The following HAX1 variants were observed in gnomAD, a reference collection of about 807,000 sequenced individuals.
HAX1 encodes HCLS1 associated protein X-1.
Under a neutral mutation model 31.1 loss-of-function variants are expected in HAX1, and 27 were observed. The ratio of observed to expected loss-of-function variants is 0.87; its 90% CI spans 0.64 to 1.20. HAX1 has a LOEUF of 1.20. Among genes scored for constraint, HAX1 ranks in the 50% most tolerant of loss-of-function variants. HAX1 has a pLI of 0.00. For synonymous variants in HAX1, 114 were observed against 124.1 expected (o/e 0.92, Z 0.54); for missense variants, 357 against 361.6 (o/e 0.99, Z 0.10).
At position 154,272,970 on chromosome 1, in the gene HAX1, C is replaced by T. The variant is rs762953956; in HGVS notation, c.53+194C>T. ...TAAGAGGAGAAACAGCAAACTAAGC[C>T]TTTCTCCAACCTGGGGTGATGCAAC... On this transcript the variant is annotated intron_variant, in intron 1 of 6. Coordinates refer to ENST00000328703, the MANE Select transcript of HAX1 (RefSeq NM_006118.4). The T allele has an allele frequency of 2.1e-4, 138 of 646,382 alleles. 1 individual carries two copies. Among genetic ancestry groups the T allele is most frequent in the African/African-American group, 3.6e-5 (2 of 55,190 alleles). 40.0% of individuals were successfully genotyped at this position (646,382 alleles called of 1,614,324 possible). A position where few individuals can be genotyped will look rare whatever the true frequency, so the allele number is the denominator to read the frequency against.
chr1:154,275,346 A>G (rs1239691367), intron 5 of HAX1, 47 bp from the exon 6 acceptor site: 2 of 1,587,460 alleles, frequency 1.3e-6, no homozygotes, highest in Non-Finnish European at 1.7e-6. Context: ...ACTGCTGAGC[A>G]TAACCTTTAG....
rs765941497 is a variant in HAX1 at position 154,273,439 on chromosome 1, A to G, written c.157A>G (p.Ser53Gly). The G allele has an allele frequency of 8.1e-6, 13 of 1,614,068 alleles. No homozygotes were observed. In the East Asian group the frequency reaches 2.9e-4, roughly 36 times the overall value. ...GGGCCGTGGGAACCCAAGGTTCCAT[A>G]GTCCTCAGCACCCCCCTGAGGAATT... ...SWGRGNPRFH[S>G]PQHPPEEFGF... The change falls in exon 2 of 7, where the codon AGT becomes GGT. Residue 53 changes from serine to glycine, a missense_variant. Physicochemically the swap from Ser to Gly is moderately conservative, Grantham distance 56. Transcript: ENST00000328703.
Position 154,272,652 on chromosome 1 carries a change from G to T in HAX1, c.-72G>T. ...CTGACGCCTCGCTCAATTTCTCACA[G>T]GGCTGCGCAGGTTTCCCCCGTCTGC... On this transcript the variant is annotated 5_prime_UTR_variant, in exon 1 of 7. It adds an upstream start codon to the 5' untranslated region. Transcript: ENST00000328703. 3 of 1,484,150 alleles carry T rather than the reference G, an allele frequency of 2.0e-6. No homozygotes were observed. Among genetic ancestry groups the T allele is most frequent in the East Asian group, 2.3e-5 (1 of 44,184 alleles). 91.9% of individuals were successfully genotyped at this position (1,484,150 alleles called of 1,614,324 possible). A position where few individuals can be genotyped will look rare whatever the true frequency, so the allele number is the denominator to read the frequency against.
In HAX1 at chr1:154,273,589, C is replaced by T. The variant is rs1684869321; in HGVS notation, c.307C>T (p.His103Tyr). Residue 103 changes from histidine to tyrosine, a missense_variant, in exon 2 of 7, where the codon CAT (histidine) becomes TAT (tyrosine). Physicochemically the swap from His to Tyr is moderately conservative, Grantham distance 83. Coordinates refer to ENST00000328703, the MANE Select transcript of HAX1 (RefSeq NM_006118.4). ...TATGGGGGCCTGGACCTTGCCTTCC[C>T]ATCCTCCTGGTGTGTGGCTTTCCCT... ...SDMGAWTLPSHPPELPGPESE... is the reference protein window; with the variant it reads ...SDMGAWTLPSYPPELPGPESE... 3 of 1,614,032 alleles carry T rather than the reference C, an allele frequency of 1.9e-6. No individual in the cohort carries two copies. The South Asian group carries it at 3.3e-5, about 18-fold the overall frequency.
chr1:154,274,924 T>G, intron 3 of HAX1, 26 bp from the exon 4 acceptor site: 1 of 1,586,086 alleles, frequency 6.3e-7, no homozygotes, highest in Non-Finnish European at 8.7e-7. Context: ...AAGGAGTCTT[T>G]TCACTTACTA....
In HAX1 at chr1:154,275,148, T is replaced by C. The variant is rs776550825; in HGVS notation, c.557-6T>C. On this transcript the variant is annotated splice_polypyrimidine_tract_variant and splice_region_variant and intron_variant, in intron 4 of 6. Transcript: ENST00000328703. Reference sequence around the variant, plus strand: ...CTCCTGCTTCTTCATCTCTCTGCTCTTCCAGATCTTGATTCCCAGGTTTCC... The same window carrying C: ...CTCCTGCTTCTTCATCTCTCTGCTCCTCCAGATCTTGATTCCCAGGTTTCC... 77 of 1,588,778 alleles carry C rather than the reference T, an allele frequency of 4.8e-5. No individual in the cohort carries two copies. Among genetic ancestry groups the C allele is most frequent in the South Asian group, 1.1e-5 (1 of 90,570 alleles).
At chr1:154,275,092 C>T (rs752214307) in intron 4 of HAX1, 62 bp from the exon 5 acceptor site, 5 of 1,433,702 alleles carry the variant, frequency 3.5e-6, no homozygotes, top group Middle Eastern at 1.8e-4. Flanking sequence ...TTCCTGTACA[C>T]TTGTCTCCTT....
At chr1:154,274,507 A>G (rs1558252050) in intron 3 of HAX1, among the ~76,000 whole-genome samples, 1 of 152,092 alleles carries the variant, frequency 6.6e-6, no homozygotes, top group Non-Finnish European at 1.5e-5. Flanking sequence ...TCGGCCTCCC[A>G]AAGTGCTGGA....
Position 154,273,411 on chromosome 1 carries a change from A to T in HAX1, c.129A>T (p.Ser43=). Reference sequence around the variant, plus strand: ...AGGAAGAAGAAGAAGAAGGGGGCTCATGGGGCCGTGGGAACCCAAGGTTCC... The same window carrying T: ...AGGAAGAAGAAGAAGAAGGGGGCTCTTGGGGCCGTGGGAACCCAAGGTTCC... The part of the protein sequence containing the change: ...DDEEEEEEGG[S]WGRGNPRFHS... Residue 43 remains serine, a synonymous_variant, in exon 2 of 7, where the codon TCA becomes TCT. Transcript: ENST00000328703. 2 of 1,614,104 alleles carry T rather than the reference A, an allele frequency of 1.2e-6. No individual in the cohort carries two copies. Among genetic ancestry groups the T allele is most frequent in the African/African-American group, 2.7e-5 (2 of 75,028 alleles).
intron 4 of HAX1, 53 bp from the exon 5 acceptor site, chr1:154,275,100 CT>C (rs753416358): frequency 1.4e-6 from 2 of 1,455,254 alleles, no homozygotes; most frequent in Non-Finnish European, 1.9e-6. Flanking sequence ...CACTTGTCTC[CT>C]TTTTTCCTTT....
rs146452018 is a variant in HAX1 at position 154,273,464 on chromosome 1, T to C, written c.182T>C (p.Phe61Ser). 28 of 1,614,020 alleles carry C rather than the reference T, an allele frequency of 1.7e-5. No individual in the cohort carries two copies. Among genetic ancestry groups the C allele is most frequent in the South Asian group, 4.4e-5 (4 of 91,086 alleles). Residue 61 changes from phenylalanine (F) to serine (S), a missense_variant, in exon 2 of 7, where the codon TTT (phenylalanine) becomes TCT (serine). Coordinates refer to ENST00000328703, the MANE Select transcript of HAX1 (RefSeq NM_006118.4). ...AGTCCTCAGCACCCCCCTGAGGAAT[T>C]TGGCTTCGGCTTCAGCTTCAGCCCA... ...FHSPQHPPEE[F>S]GFGFSFSPGG... is the part of the protein sequence containing the mutation.
At position 154,273,779 on chromosome 1, in the gene HAX1, C is replaced by A; in HGVS notation, c.322C>A (p.Pro108Thr). ...CACCTGCCACCTTTCTGCAGAACTT[C>A]CAGGTCCTGAGTCAGAGACACCTGG... ...WTLPSHPPEL[P>T]GPESETPGER... Residue 108 changes from proline (P) to threonine (T), a missense_variant, in exon 3 of 7, where the codon CCA (proline) becomes ACA (threonine). Physicochemically the swap from Pro to Thr is conservative, Grantham distance 38 (BLOSUM62 -1). Coordinates refer to ENST00000328703, the MANE Select transcript of HAX1 (RefSeq NM_006118.4). The A allele has an allele frequency of 6.2e-7, 1 of 1,614,178 alleles. No individual in the cohort carries two copies. The highest frequency in any genetic ancestry group is 8.5e-7 in the Non-Finnish European group (1 of 1,180,022).
chr1:154,275,827 C>T lies in HAX1; in HGVS notation c.*126C>T. 1 of 726,862 alleles carries T rather than the reference C, an allele frequency of 1.4e-6. No individual in the cohort carries two copies. Among genetic ancestry groups the T allele is most frequent in the Non-Finnish European group, 2.5e-6 (1 of 396,350 alleles). 45.0% of individuals were successfully genotyped at this position (726,862 alleles called of 1,614,324 possible). A position where few individuals can be genotyped will look rare whatever the true frequency, so the allele number is the denominator to read the frequency against. On this transcript the variant is annotated 3_prime_UTR_variant, in exon 7 of 7. Coordinates refer to ENST00000328703, the MANE Select transcript of HAX1 (RefSeq NM_006118.4). ...GTGGAATAGTGAACTGGGGCCATGT[C>T]AGTTTGTCACTCACCCAAACTGACC...
At position 154,275,836 on chromosome 1, in the gene HAX1, A is replaced by C; in HGVS notation, c.*135A>C. On this transcript the variant is annotated 3_prime_UTR_variant, in exon 7 of 7. Coordinates refer to ENST00000328703, the MANE Select transcript of HAX1 (RefSeq NM_006118.4). ...TGAACTGGGGCCATGTCAGTTTGTC[A>C]CTCACCCAAACTGACCAATAAAACC... The C allele has an allele frequency of 5.7e-6, 4 of 703,252 alleles. No individual in the cohort carries two copies. The South Asian group carries it at 6.2e-5, about 11-fold the overall frequency. 43.6% of individuals were successfully genotyped at this position (703,252 alleles called of 1,614,324 possible).
intron 3 of HAX1, 140 bp from the exon 4 acceptor site, chr1:154,274,810 G>A (rs1684896944): frequency 1.4e-6 from 1 of 718,750 alleles, no homozygotes; most frequent in Non-Finnish European, 2.6e-6. Context: ...CCAGGAAGGA[G>A]TGTGTAAATA....
Position 154,274,949 on chromosome 1 carries a change from G to A in HAX1, c.505-1G>A, listed in dbSNP as rs1684899990. On this transcript the variant is annotated splice_acceptor_variant, in intron 3 of 6. Coordinates refer to ENST00000328703, the MANE Select transcript of HAX1 (RefSeq NM_006118.4). LOFTEE classifies it high-confidence loss of function. ...TTCACTTACTATGGTTTCTTCTGCA[G>A]TTTGATGATGTATGGCCTATGGACC... The A allele has an allele frequency of 1.9e-6, 3 of 1,608,734 alleles. No homozygotes were observed. Among genetic ancestry groups the A allele is most frequent in the Non-Finnish European group, 2.6e-6 (3 of 1,175,084 alleles).
In HAX1 at chr1:154,272,638, C is replaced by T; in HGVS notation, c.-86C>T. 7.1e-7 allele frequency: 1 copy of T among 1,400,054 alleles called. No homozygotes were observed. The highest frequency in any genetic ancestry group is 1.0e-6 in the Non-Finnish European group (1 of 990,542). The allele number at this position is 1,400,054 out of a possible 1,614,324, so 86.7% of individuals were successfully genotyped here. On this transcript the variant is annotated 5_prime_UTR_variant, in exon 1 of 7. Transcript: ENST00000328703. ...TCCGGTAGCGTGGGCTGACGCCTCG[C>T]TCAATTTCTCACAGGGCTGCGCAGG...
chr1:154,275,004 A>G lies in HAX1; in HGVS notation c.556+3A>G, dbSNP rs1684901324. ...TCCTAGAACCAGAGAGGACAATGGT[A>G]AGTCTGGAGGAAGGGGAAGTTTACC... On this transcript the variant is annotated splice_donor_region_variant and intron_variant, in intron 4 of 6. Coordinates refer to ENST00000328703, the MANE Select transcript of HAX1 (RefSeq NM_006118.4). The G allele has an allele frequency of 1.2e-5, 20 of 1,606,504 alleles. No individual in the cohort carries two copies. Among genetic ancestry groups the G allele is most frequent in the Non-Finnish European group, 1.7e-5 (20 of 1,173,194 alleles).
rs745643366 is a variant in HAX1 at position 154,273,926 on chromosome 1, G to A, written c.469G>A (p.Ala157Thr). The change falls in exon 3 of 7, where the codon GCA becomes ACA. Residue 157 changes from alanine to threonine, a missense_variant. Ala to Thr is a moderately conservative substitution (Grantham distance 58). Transcript: ENST00000328703. The stretch of plus-strand genomic sequence containing the variant: ...TGCAAGAAGTGAATCCCCCCAACCA[G>A]CACCAGACTGGGGCTCCCAGAGGCC... ...SDARSESPQP[A>T]PDWGSQRPFH... is the part of the protein sequence containing the mutation. 2 of 1,613,994 alleles carry A rather than the reference G, an allele frequency of 1.2e-6. No individual in the cohort carries two copies. Among genetic ancestry groups the A allele is most frequent in the Admixed American group, 1.7e-5 (1 of 60,002 alleles).
Sources: allele counts gnomAD v4.1 joint callset (sites outside exome capture counted in the v4.1 genomes callset), GRCh38; gene constraint gnomAD v4.1.1; transcripts MANE v1.5; gene names NCBI Gene and HGNC (gene_info 2026-07-23, HGNC 2026-07-21).